PXDN: variants seen among roughly 807,000 people sequenced by gnomAD.
The protein encoded by PXDN is peroxidasin homolog.
Under a neutral mutation model 140.3 loss-of-function variants are expected in PXDN, and 77 were observed. The ratio of observed to expected loss-of-function variants is 0.55; its 90% CI spans 0.46 to 0.66. The LOEUF is 0.66. Ranked by LOEUF, PXDN falls within the 30% of genes least tolerant of loss-of-function variation. PXDN has a pLI of 0.00. For synonymous variants in PXDN, 911 were observed against 857.4 expected (o/e 1.06, Z -1.09); for missense variants, 1,838 against 2,039.5 (o/e 0.90, Z 1.90).
intron 1 of PXDN, among the ~76,000 whole-genome samples, chr2:1,701,582 A>G (rs1240265293): frequency 1.3e-5 from 2 of 151,916 alleles, no homozygotes; most frequent in Non-Finnish European, 2.9e-5. Flanking sequence ...GGAGCCGCAG[A>G]GAAGCGGGCT....
chr2:1,674,802 C>T (rs531652732), intron 8 of PXDN, among the ~76,000 whole-genome samples: 2 of 152,292 alleles, frequency 1.3e-5, no homozygotes, highest in East Asian at 3.9e-4. Context: ...ATCACCAAGA[C>T]AGACAAGACC....
intron 1 of PXDN, among the ~76,000 whole-genome samples, chr2:1,693,637 C>G (rs1027051018): frequency 2.6e-5 from 4 of 152,222 alleles, no homozygotes; most frequent in Admixed American, 2.6e-4. Flanking sequence ...GAATTCAGCA[C>G]GCTAACTGGG....
Position 1,648,228 on chromosome 2 carries a change from C to T in PXDN, c.3552G>A (p.Thr1184=), listed in dbSNP as rs376419249. The T allele has an allele frequency of 2.2e-5, 35 of 1,613,720 alleles. No homozygotes were observed. Among genetic ancestry groups the T allele is most frequent in the African/African-American group, 4.0e-5 (3 of 74,890 alleles). The part of the protein sequence containing the change: ...RVYCNLSAAH[T]FEDLKNEIKN... ...TAATCTCATTTTTCAGGTCCTCGAA[C>T]GTGTGTGCCGCCGATAGATTGCAGT... Residue 1184 remains threonine (T), a synonymous_variant, in exon 17 of 23, where the codon ACG becomes ACA. Coordinates refer to ENST00000252804, the MANE Select transcript of PXDN (RefSeq NM_012293.3). This position sits in a 1 kb window ranked among gnomAD's most constrained non-coding sequence, Gnocchi z 8.9.
rs1331698177 is a variant in PXDN, at chr2:1,676,842, C to A, written c.848+85G>T. The A allele has an allele frequency of 3.9e-6, 5 of 1,268,510 alleles. No homozygotes were observed. The East Asian group carries it at 1.3e-4, about 32-fold the overall frequency. The allele number at this position is 1,268,510 out of a possible 1,614,324, so 78.6% of individuals were successfully genotyped here. On this transcript the variant is annotated intron_variant, in intron 8 of 22. Coordinates refer to ENST00000252804, the MANE Select transcript of PXDN (RefSeq NM_012293.3). ...TGGAGGAGGAAAAGTGGACGTGGGCCTTGGTGGGGAGTGAGGTGTGGTTTG... is the reference window on the plus strand; with the variant it reads ...TGGAGGAGGAAAAGTGGACGTGGGCATTGGTGGGGAGTGAGGTGTGGTTTG...
intron 18 of PXDN, among the ~76,000 whole-genome samples, chr2:1,644,071 CAAAAAAAAAAAAAA>C (rs74164529): frequency 1.8e-4 from 7 of 38,440 alleles, no homozygotes; most frequent in African/African-American, 3.6e-4. Context: ...GACTCTGTCT[CAAAAAAAAAAAAAA>C]AAAAAAAAAA....
intron 14 of PXDN, among the ~76,000 whole-genome samples, chr2:1,658,151 G>A (rs1271064211): frequency 1.4e-5 from 2 of 148,030 alleles, no homozygotes; most frequent in Admixed American, 6.8e-5. Flanking sequence ...TGCCTTGCCC[G>A]CCCGGCCTCT....
At chr2:1,644,390 T>A (rs900044557) in intron 18 of PXDN, among the ~76,000 whole-genome samples, 1 of 152,146 alleles carries the variant, frequency 6.6e-6, no homozygotes, top group African/African-American at 2.4e-5. Context: ...GGGAAAAGCA[T>A]CATTGAACCT....
chr2:1,710,527 C>T (rs1684728032), intron 1 of PXDN, among the ~76,000 whole-genome samples: 1 of 149,982 alleles, frequency 6.7e-6, no homozygotes. Flanking sequence ...CCAGGACCCA[C>T]TCTACGAACA....
At position 1,639,404 on chromosome 2, in the gene PXDN, T is replaced by C; in HGVS notation, c.3971A>G (p.Gln1324Arg). ...DCCEDCRTRG[Q>R]FNAFSYHFRG... ...GAAATGATAGGAAAAGGCATTGAAC[T>C]GCCCCCTGGTCCTACAGTCTAAAAT... The change falls in exon 20 of 23, where the codon CAG (glutamine) becomes CGG (arginine). Residue 1324 changes from glutamine (Q) to arginine (R), a missense_variant. By Grantham distance (43) the Gln-to-Arg change is conservative. Around this residue, in one of 5 missense-constraint regions of PXDN, gnomAD observed 850 missense variants for 894.1 expected, o/e 0.95. Transcript: ENST00000252804. This position sits in a 1 kb window ranked among gnomAD's most constrained non-coding sequence, Gnocchi z 5.0. The C allele has an allele frequency of 6.2e-7, 1 of 1,613,994 alleles. No individual in the cohort carries two copies. The highest frequency in any genetic ancestry group is 2.2e-5 in the East Asian group (1 of 44,882).
At chr2:1,743,329 G>C (rs1045964644) in intron 1 of PXDN, among the ~76,000 whole-genome samples, 7 of 152,242 alleles carry the variant, frequency 4.6e-5, no homozygotes, top group Non-Finnish European at 1.0e-4. Flanking sequence ...AGAAATGCCC[G>C]AGGCAGAAAC....
At chr2:1,707,593 C>A (rs1175976955) in intron 1 of PXDN, among the ~76,000 whole-genome samples, 1 of 152,182 alleles carries the variant, frequency 6.6e-6, no homozygotes, top group African/African-American at 2.4e-5. Flanking sequence ...CACGAGGTTG[C>A]CAAAAGTCTT....
rs1484719202 is a variant in PXDN at position 1,685,619 on chromosome 2, A to C, written c.417-1468T>G. The stretch of plus-strand genomic sequence containing the variant: ...GGATGAGGAGGTACTGACCGAGGGA[A>C]GGAAAGGGGGTATTTCAAGCCCCAC... On this transcript the variant is annotated intron_variant, in intron 4 of 22. Coordinates refer to ENST00000252804, the MANE Select transcript of PXDN (RefSeq NM_012293.3). The surrounding 1 kb of genome is among the most constrained non-coding windows in gnomAD (Gnocchi z 5.1). Among the ~76,000 whole-genome samples, 1 of 152,056 alleles carries C rather than the reference A, an allele frequency of 6.6e-6. No individual in the cohort carries two copies. Among genetic ancestry groups the C allele is most frequent in the Non-Finnish European group, 1.5e-5 (1 of 67,996 alleles).
Position 1,697,612 on chromosome 2 carries a change from CGG to C in PXDN, c.201-4480_201-4479del, listed in dbSNP as rs5828887. The stretch of plus-strand genomic sequence containing the variant: ...TAAATAGTTCCACAAATAATCCTAA[CGG>C]GGGGGGAAAAACTTCCCCCAAATTT... On this transcript the variant is annotated intron_variant, in intron 1 of 22. Coordinates refer to ENST00000252804, the MANE Select transcript of PXDN (RefSeq NM_012293.3). Among the ~76,000 whole-genome samples the C allele has an allele frequency of 2.8e-3, 422 of 152,034 alleles. 7 individuals are homozygous for C. Among genetic ancestry groups the C allele is most frequent in the Admixed American group, 0.025 (379 of 15,262 alleles).
intron 1 of PXDN, among the ~76,000 whole-genome samples, chr2:1,712,134 A>T (rs774310095): frequency 2.4e-4 from 37 of 152,254 alleles, no homozygotes; most frequent in Non-Finnish European, 5.0e-4. Flanking sequence ...GAAGGAACTG[A>T]GATAATACTA....
chr2:1,702,775 C>A (rs1684466257), intron 1 of PXDN, among the ~76,000 whole-genome samples: 1 of 151,772 alleles, frequency 6.6e-6, no homozygotes, highest in South Asian at 2.1e-4. Context: ...ACTACAGGCA[C>A]CCGCCACTAC....
chr2:1,676,494 G>A (rs1012876277), intron 8 of PXDN: 8 of 183,558 alleles, frequency 4.4e-5, no homozygotes, highest in Non-Finnish European at 5.7e-5. Flanking sequence ...GGCTCCTGAG[G>A]ACGCCGTCCC....
chr2:1,663,788 C>G (rs760318760), intron 11 of PXDN, 25 bp from the exon 12 acceptor site: 34 of 1,606,544 alleles, frequency 2.1e-5, no homozygotes, highest in Middle Eastern at 1.9e-4. Flanking sequence ...GCCCGTTACA[C>G]TGGACACTCG....
chr2:1,715,381 A>T (rs1392422659), intron 1 of PXDN, among the ~76,000 whole-genome samples: 4 of 152,110 alleles, frequency 2.6e-5, no homozygotes, highest in Admixed American at 6.5e-5. Context: ...CAGCCACAAA[A>T]ACAGCGACGG....
rs1682779693 is a variant in PXDN, at chr2:1,643,568, T to A, written c.3752A>T (p.Tyr1251Phe). ...KRLRDGDRLW[Y>F]ENPGVFSPAQ... ...CGGGGAGAACACCCCAGGGTTCTCATACCACAACCTGGATCCCCCAAAATG... is the reference window on the plus strand; with the variant it reads ...CGGGGAGAACACCCCAGGGTTCTCAAACCACAACCTGGATCCCCCAAAATG... Residue 1251 changes from tyrosine to phenylalanine, a missense_variant, in exon 19 of 23, where the codon TAT becomes TTT. Tyr to Phe is a conservative substitution (Grantham distance 22, BLOSUM62 3). Coordinates refer to ENST00000252804, the MANE Select transcript of PXDN (RefSeq NM_012293.3). 1.9e-6 allele frequency: 3 copies of A among 1,613,644 alleles called. No homozygotes were observed. The highest frequency in any genetic ancestry group is 3.3e-5 in the Admixed American group (2 of 60,006).
Sources: gnomAD v4.1 joint callset for allele counts (sites outside exome capture counted in the v4.1 genomes callset) on GRCh38, gnomAD v4.1.1 for gene constraint, gnomAD v4.1.1 regional missense constraint, Gnocchi (gnomAD v3.1) non-coding constraint, MANE v1.5 for transcripts, NCBI Gene and HGNC (gene_info 2026-07-23, HGNC 2026-07-21) for gene names.